CENPC: variants seen among roughly 807,000 people sequenced by gnomAD.
CENPC encodes the protein CENP-C 1.
CENPC carries 63 observed loss-of-function variants against 112.1 expected under a neutral mutation model. The observed-to-expected ratio is 0.56, with a 90% CI of 0.46 to 0.69. The LOEUF (loss-of-function observed/expected upper bound fraction) is 0.69. CENPC is among the 30% of genes least tolerant of loss of function. The probability of loss-of-function intolerance (pLI) is 0.00; values close to 1 mark genes in which losing one functional copy is unlikely to be tolerated. For missense variants in CENPC, 1,000 were observed against 1,103.8 expected, an observed-to-expected ratio of 0.91 and a Z score of 1.33; for synonymous variants, 333 against 367.6, an observed-to-expected ratio of 0.91 and a Z score of 1.08.
At chr4:67,525,415 T>C (rs1041942167) in intron 5 of CENPC, among the ~76,000 whole-genome samples, 1 of 152,186 alleles carries the variant, frequency 6.6e-6, no homozygotes, top group African/African-American at 2.4e-5. Context: ...AACCTCTCCA[T>C]CTGACAAAGG....
chr4:67,502,735 TTCCCCAGTAG>T (rs1369150752), intron 12 of CENPC, among the ~76,000 whole-genome samples: 1 of 152,150 alleles, frequency 6.6e-6, no homozygotes, highest in Non-Finnish European at 1.5e-5. Context: ...AATCTGCTTC[TTCCCCAGTAG>T]TCCCCAGATC....
chr4:67,508,799 C>T lies in CENPC; in HGVS notation c.1904+15G>A. On this transcript the variant is annotated intron_variant, in intron 10 of 18. Coordinates refer to ENST00000273853, the MANE Select transcript of CENPC (RefSeq NM_001812.4). ...ACAACAAAAGTAACTATATTGTACACATAACAGACATTACCTAGAACAATC... is the reference window on the plus strand; with the variant it reads ...ACAACAAAAGTAACTATATTGTACATATAACAGACATTACCTAGAACAATC... 1 of 1,609,120 alleles carries T rather than the reference C, an allele frequency of 6.2e-7. No homozygotes were observed. Among genetic ancestry groups the T allele is most frequent in the Non-Finnish European group, 8.5e-7 (1 of 1,177,390 alleles).
chr4:67,505,794 C>A (rs1432905052), intron 11 of CENPC, among the ~76,000 whole-genome samples: 1 of 152,146 alleles, frequency 6.6e-6, no homozygotes, highest in African/African-American at 2.4e-5. Context: ...ACTACAATTT[C>A]ATCCCATAAC....
At position 67,512,378 on chromosome 4, in the gene CENPC, C is replaced by T. The variant is rs1163517502; in HGVS notation, c.1612+24G>A. 3 of 1,522,238 alleles carry T rather than the reference C, an allele frequency of 2.0e-6. No homozygotes were observed. The Admixed American group carries it at 6.3e-5, about 32-fold the overall frequency. 94.3% of individuals were successfully genotyped at this position (1,522,238 alleles called of 1,614,324 possible). A position where few individuals can be genotyped will look rare whatever the true frequency, so the allele number is the denominator to read the frequency against. ...CAGAATGATTTTGTCTATGAACAAA[C>T]ACAATTTAAATAAAAATACTTACTC... On this transcript the variant is annotated intron_variant, in intron 9 of 18. Transcript: ENST00000273853.
intron 4 of CENPC, among the ~76,000 whole-genome samples, chr4:67,537,329 AT>A: frequency 6.6e-6 from 1 of 152,176 alleles, no homozygotes; most frequent in Non-Finnish European, 1.5e-5. Context: ...TATACACGCA[AT>A]TTGTGTATTT....
chr4:67,519,948 C>G (rs925992194), intron 5 of CENPC, among the ~76,000 whole-genome samples: 7 of 152,168 alleles, frequency 4.6e-5, no homozygotes, highest in African/African-American at 1.7e-4. Context: ...AATTATCCAT[C>G]AATCAACAAC....
Position 67,545,398 on chromosome 4 carries a change from C to T in CENPC, c.-43G>A, listed in dbSNP as rs1560448209. 1.3e-6 allele frequency: 2 copies of T among 1,486,634 alleles called. No individual in the cohort carries two copies. The highest frequency in any genetic ancestry group is 4.5e-5 in the Admixed American group (2 of 44,304). 92.1% of individuals were successfully genotyped at this position (1,486,634 alleles called of 1,614,324 possible). On this transcript the variant is annotated 5_prime_UTR_variant, in exon 1 of 19. Transcript: ENST00000273853. ...CCAGCGCAACTGTCTGAGGTGGAAG[C>T]CCACACGGACCACAGCTCCAGGAAG...
chr4:67,492,934 T>C lies in CENPC; in HGVS notation c.2354A>G (p.Glu785Gly), dbSNP rs778103463. Residue 785 changes from glutamate to glycine, a missense_variant, in exon 15 of 19, where the codon GAA (glutamate) becomes GGA (glycine). By Grantham distance (98) the Glu-to-Gly change is moderately conservative. Transcript: ENST00000273853. ...DTISSKRKAK[E>G]NIGKVNKKSN... ...TTTTTTGTTGACTTTTCCAATATTT[T>C]CTTTTGCCTTCCTTTTAGACGATAT... 6.4e-7 allele frequency: 1 copy of C among 1,562,850 alleles called. No individual in the cohort carries two copies. Among genetic ancestry groups the C allele is most frequent in the Non-Finnish European group, 8.7e-7 (1 of 1,151,798 alleles).
chr4:67,544,980 C>T (rs1726987227), intron 1 of CENPC, among the ~76,000 whole-genome samples: 1 of 151,814 alleles, frequency 6.6e-6, no homozygotes, highest in Non-Finnish European at 1.5e-5. Context: ...TGGAGCTAGA[C>T]TAAAAAGCAG....
Position 67,518,326 on chromosome 4 carries a change from T to C in CENPC, c.660A>G (p.Ile220Met), listed in dbSNP as rs1384384792. The C allele has an allele frequency of 7.8e-6, 12 of 1,537,516 alleles. No homozygotes were observed. The highest frequency in any genetic ancestry group is 1.0e-5 in the Non-Finnish European group (12 of 1,144,402). ...DDKVMLKKIE[I>M]DNKVSDEEDK... ...CCTCTTCATCTGATACTTTATTATC[T>C]ATTTCTATTTTCTTTAACATAACTT... is the stretch of plus-strand genomic sequence containing the variant. The change falls in exon 7 of 19, where the codon ATA becomes ATG. Residue 220 changes from isoleucine (I) to methionine (M), a missense_variant. Ile to Met is a conservative substitution (Grantham distance 10). Coordinates refer to ENST00000273853, the MANE Select transcript of CENPC (RefSeq NM_001812.4).
In CENPC at chr4:67,526,139, G is replaced by A. The variant is rs146543667; in HGVS notation, c.331+4676C>T. Among the ~76,000 whole-genome samples, 532 of 152,118 alleles carry A rather than the reference G, an allele frequency of 3.5e-3. 3 individuals carry two copies. Among genetic ancestry groups the A allele is most frequent in the African/African-American group, 0.012 (510 of 41,482 alleles). On this transcript the variant is annotated intron_variant, in intron 5 of 18. Coordinates refer to ENST00000273853, the MANE Select transcript of CENPC (RefSeq NM_001812.4). ...AATGAGAACATATGGACACAGGGAGGGAAACATCACACACCAGGGCCTGTG... is the reference window on the plus strand; with the variant it reads ...AATGAGAACATATGGACACAGGGAGAGAAACATCACACACCAGGGCCTGTG...
chr4:67,512,949 G>C (rs1009402241), intron 8 of CENPC, among the ~76,000 whole-genome samples: 1 of 152,144 alleles, frequency 6.6e-6, no homozygotes, highest in African/African-American at 2.4e-5. Context: ...GAGATTTAAA[G>C]TGTGATTAAA....
intron 7 of CENPC, among the ~76,000 whole-genome samples, chr4:67,515,945 T>C (rs556825607): frequency 6.6e-6 from 1 of 152,130 alleles, no homozygotes; most frequent in East Asian, 1.9e-4. Context: ...AAACTTTATG[T>C]ATTTTACTAA....
intron 18 of CENPC, 29 bp downstream of exon 18, chr4:67,474,859 T>C: frequency 4.6e-6 from 6 of 1,314,628 alleles, no homozygotes; most frequent in Non-Finnish European, 5.4e-6. Flanking sequence ...ACTATATACA[T>C]GTTGTCTAAG....
At chr4:67,490,853 T>A (rs28579586) in intron 16 of CENPC, among the ~76,000 whole-genome samples, 1 of 17,930 alleles carries the variant, frequency 5.6e-5, no homozygotes, top group African/African-American at 1.2e-4. Flanking sequence ...TATATATATA[T>A]ATATATATAT....
chr4:67,499,616 C>T (rs560827998), intron 12 of CENPC, among the ~76,000 whole-genome samples: 3 of 152,304 alleles, frequency 2.0e-5, no homozygotes, highest in East Asian at 3.9e-4. Flanking sequence ...TTGTTTAATC[C>T]TCTGTCCAGA....
chr4:67,473,712 T>C (rs1272936300), intron 18 of CENPC, among the ~76,000 whole-genome samples: 4 of 151,932 alleles, frequency 2.6e-5, no homozygotes. Context: ...TCACCGTGCC[T>C]GGTTAACTTT....
intron 17 of CENPC, among the ~76,000 whole-genome samples, chr4:67,483,361 A>G (rs1262242246): frequency 4.6e-5 from 1 of 21,534 alleles, no homozygotes; most frequent in Non-Finnish European, 9.2e-5. Context: ...CAATGAAAGA[A>G]AAAAAAAAAT....
chr4:67,509,597 A>G (rs543817640), intron 9 of CENPC, among the ~76,000 whole-genome samples: 5 of 152,250 alleles, frequency 3.3e-5, no homozygotes, highest in African/African-American at 1.2e-4. Flanking sequence ...TTCTATCCAG[A>G]TATCTAAATC....
Sources: allele counts gnomAD v4.1 joint callset (sites outside exome capture counted in the v4.1 genomes callset), GRCh38; gene constraint gnomAD v4.1.1; transcripts MANE v1.5; gene names NCBI Gene and HGNC (gene_info 2026-07-23, HGNC 2026-07-21).